The following TBL1XR1 variants were observed in gnomAD, a reference collection of about 807,000 sequenced individuals.
The protein encoded by TBL1XR1 is F-box-like/WD repeat-containing protein TBL1XR1.
A neutral mutation model predicts 66.9 loss-of-function variants in TBL1XR1; 5 were observed. That is an observed-to-expected ratio of 0.07 (90% CI 0.04 to 0.16). The LOEUF (loss-of-function observed/expected upper bound fraction) is 0.16. TBL1XR1 is among the 10% of genes least tolerant of loss of function. The probability of loss-of-function intolerance (pLI) is 1.00; values close to 1 mark genes in which losing one functional copy is unlikely to be tolerated. For synonymous variants in TBL1XR1, 210 were observed against 206.0 expected (o/e 1.02, Z -0.17); for missense variants, 238 against 623.2 (o/e 0.38, Z 6.58).
At chr3:177,145,974 T>C (rs12635059) in intron 1 of TBL1XR1, among the ~76,000 whole-genome samples, 7 of 152,298 alleles carry the variant, frequency 4.6e-5, no homozygotes, top group South Asian at 2.1e-4. Context: ...CCTGAAAGAA[T>C]TGTCAAAGAA....
chr3:177,181,253 G>A (rs1182945413), intron 1 of TBL1XR1, among the ~76,000 whole-genome samples: 1 of 152,050 alleles, frequency 6.6e-6, no homozygotes, highest in Non-Finnish European at 1.5e-5. Flanking sequence ...GCCACGGTGG[G>A]TGGATCGCTT....
chr3:177,061,877 T>G (rs907326935), intron 3 of TBL1XR1, among the ~76,000 whole-genome samples: 5 of 152,116 alleles, frequency 3.3e-5, no homozygotes, highest in Non-Finnish European at 5.9e-5. Flanking sequence ...ATTGCAAAAG[T>G]AGCCACATTT....
intron 1 of TBL1XR1, among the ~76,000 whole-genome samples, chr3:177,141,685 T>C (rs1729647251): frequency 6.6e-6 from 1 of 152,238 alleles, no homozygotes; most frequent in African/African-American, 2.4e-5. Context: ...TTACAATGTG[T>C]ATGTATCGCA....
intron 10 of TBL1XR1, among the ~76,000 whole-genome samples, chr3:177,043,347 T>C (rs1715863972): frequency 6.6e-6 from 1 of 152,206 alleles, no homozygotes; most frequent in Non-Finnish European, 1.5e-5. Flanking sequence ...ACAGTGTTAT[T>C]AAATGCATTA....
chr3:177,187,377 A>C (rs1480137005), intron 1 of TBL1XR1, among the ~76,000 whole-genome samples: 2 of 149,180 alleles, frequency 1.3e-5, no homozygotes, highest in Non-Finnish European at 3.0e-5. Context: ...TCTGGACAAC[A>C]GAGACTCTAT....
chr3:177,151,479 C>T (rs996537767), intron 1 of TBL1XR1, among the ~76,000 whole-genome samples: 1 of 152,110 alleles, frequency 6.6e-6, no homozygotes, highest in African/African-American at 2.4e-5. Flanking sequence ...GTGAACTGCA[C>T]ATTTGAGGGA....
intron 4 of TBL1XR1, among the ~76,000 whole-genome samples, chr3:177,052,572 A>C (rs761061299): frequency 9.9e-5 from 15 of 152,250 alleles, no homozygotes; most frequent in Non-Finnish European, 2.1e-4. Context: ...CTGTGGAATA[A>C]GCGCCATGTC....
At chr3:177,165,605 G>A (rs956186092) in intron 1 of TBL1XR1, among the ~76,000 whole-genome samples, 1 of 152,172 alleles carries the variant, frequency 6.6e-6, no homozygotes, top group African/African-American at 2.4e-5. Flanking sequence ...TGGTATTAGT[G>A]AAAGAACAAA....
rs189086706 is a variant in TBL1XR1, at chr3:177,136,607, G to C, written c.-121-38066C>G. Among the ~76,000 whole-genome samples the C allele has an allele frequency of 2.6e-5, 4 of 152,226 alleles. No individual in the cohort carries two copies. The East Asian group carries it at 7.7e-4, about 29-fold the overall frequency. On this transcript the variant is annotated intron_variant, in intron 1 of 15. Transcript: ENST00000457928. ...CCTCTCAATTTTTAATCAAAATCCTGATGTTTAAAACATTGGAGTAGTAAA... is the reference window on the plus strand; with the variant it reads ...CCTCTCAATTTTTAATCAAAATCCTCATGTTTAAAACATTGGAGTAGTAAA...
intron 14 of TBL1XR1, among the ~76,000 whole-genome samples, chr3:177,031,520 T>G (rs1383012918): frequency 2.0e-5 from 3 of 151,416 alleles, no homozygotes; most frequent in Non-Finnish European, 4.4e-5. Flanking sequence ...TTAGGAGAGA[T>G]GGGGTTTCAC....
At position 177,022,472 on chromosome 3, in the gene TBL1XR1, T is replaced by C. The variant is rs892030605; in HGVS notation, c.*3026A>G. 6.6e-6 allele frequency: 1 copy of C among 152,526 alleles called. No homozygotes were observed. The highest frequency in any genetic ancestry group is 1.5e-5 in the Non-Finnish European group (1 of 67,960). The allele number at this position is 152,526 out of a possible 1,614,324, so 9.4% of individuals were successfully genotyped here. ...GGAACAAATATAAGAACTTATGGGA[T>C]TTCCTACACGGAGACAAAAAAAGAT... On this transcript the variant is annotated 3_prime_UTR_variant, in exon 16 of 16. Transcript: ENST00000457928.
intron 1 of TBL1XR1, among the ~76,000 whole-genome samples, chr3:177,154,986 T>C (rs1389190713): frequency 6.6e-6 from 1 of 152,096 alleles, no homozygotes; most frequent in African/African-American, 2.4e-5. Context: ...ACCAAATATT[T>C]GAAATCAGAT....
At chr3:177,191,531 T>G (rs886577509) in intron 1 of TBL1XR1, among the ~76,000 whole-genome samples, 2 of 152,206 alleles carry the variant, frequency 1.3e-5, no homozygotes, top group Non-Finnish European at 2.9e-5. Flanking sequence ...AGCACCTGTA[T>G]AGTCCTGATA....
At chr3:177,156,700 C>T (rs946452422) in intron 1 of TBL1XR1, among the ~76,000 whole-genome samples, 4 of 151,824 alleles carry the variant, frequency 2.6e-5, no homozygotes, top group African/African-American at 4.8e-5. Flanking sequence ...GAACAGTTCA[C>T]AAAAAGATGT....
At chr3:177,075,978 AAACAAAATAC>A (rs1439634853) in intron 2 of TBL1XR1, among the ~76,000 whole-genome samples, 3 of 152,194 alleles carry the variant, frequency 2.0e-5, no homozygotes. Context: ...AAAAACAAAA[AAACAAAATAC>A]AACAAAAAAT....
chr3:177,095,207 A>AG (rs1279256877), intron 2 of TBL1XR1, among the ~76,000 whole-genome samples: 1 of 151,920 alleles, frequency 6.6e-6, no homozygotes, highest in South Asian at 2.1e-4. Flanking sequence ...AGGACGGGCT[A>AG]GGGGGAGAGG....
Position 177,135,375 on chromosome 3 carries a change from A to ATG in TBL1XR1, c.-121-36835_-121-36834insCA, listed in dbSNP as rs1361497908. On this transcript the variant is annotated intron_variant, in intron 1 of 15. Transcript: ENST00000457928. The stretch of plus-strand genomic sequence containing the variant: ...TATATATATATATATATATATATAT[A>ATG]TATATATGTATGTATTTTTTTTTTA... Among the ~76,000 whole-genome samples, 13 of 31,408 alleles carry ATG rather than the reference A, an allele frequency of 4.1e-4. No homozygotes were observed. In the South Asian group the frequency reaches 0.012, roughly 29 times the overall value. The allele number at this position is 31,408 out of a possible 152,430, so 20.6% of individuals were successfully genotyped here.
intron 13 of TBL1XR1, among the ~76,000 whole-genome samples, chr3:177,033,658 A>T (rs1410807185): frequency 6.6e-6 from 1 of 152,200 alleles, no homozygotes; most frequent in Non-Finnish European, 1.5e-5. Context: ...GTGTTTAAAG[A>T]TTCCCCTTAA....
intron 1 of TBL1XR1, among the ~76,000 whole-genome samples, chr3:177,165,469 T>C (rs1057266497): frequency 6.6e-6 from 1 of 152,126 alleles, no homozygotes; most frequent in African/African-American, 2.4e-5. Context: ...CCAGCAAATT[T>C]TGTGGATATC....
Sources: gnomAD v4.1 joint callset for allele counts (sites outside exome capture counted in the v4.1 genomes callset) on GRCh38, gnomAD v4.1.1 for gene constraint, MANE v1.5 for transcripts, NCBI Gene and HGNC (gene_info 2026-07-23, HGNC 2026-07-21) for gene names.